The following ROBO2 variants were observed in gnomAD, a reference collection of about 807,000 sequenced individuals.
ROBO2 encodes the protein roundabout homolog 2.
In ROBO2, 53 loss-of-function variants were observed where a neutral mutation model predicts 160.8. The observed-to-expected ratio is 0.33, with a 90% CI of 0.26 to 0.41. ROBO2 has a LOEUF of 0.41. Ranked by LOEUF, ROBO2 falls within the 10% of genes least tolerant of loss-of-function variation. The probability of loss-of-function intolerance (pLI) is 1.00; values close to 1 mark genes in which losing one functional copy is unlikely to be tolerated. For missense variants in ROBO2, 1,577 were observed against 1,722.4 expected (o/e 0.92, Z 1.49); for synonymous variants, 664 against 611.7 (o/e 1.09, Z -1.26).
chr3:77,279,375 T>C (rs2060099842), intron 2 of ROBO2, among the ~76,000 whole-genome samples: 1 of 152,120 alleles, frequency 6.6e-6, no homozygotes, highest in Non-Finnish European at 1.5e-5. Context: ...CAATGAAGTC[T>C]GTGAGTTTAG....
intron 2 of ROBO2, among the ~76,000 whole-genome samples, chr3:76,192,196 T>C (rs1280553084): frequency 6.7e-6 from 1 of 149,694 alleles, no homozygotes; most frequent in African/African-American, 2.4e-5. Context: ...GCCATTTCCC[T>C]AGTTAGTGCC....
chr3:76,118,608 T>G (rs2070581244), intron 2 of ROBO2, among the ~76,000 whole-genome samples: 1 of 152,126 alleles, frequency 6.6e-6, no homozygotes, highest in Non-Finnish European at 1.5e-5. Context: ...CGCACTTGGC[T>G]CAGACAGATA....
chr3:77,648,758 A>G (rs146343207), exon 26 of ROBO2: 14 of 152,318 alleles, frequency 9.2e-5, no homozygotes, highest in African/African-American at 3.4e-4. Context: ...CAACAGAAAA[A>G]TACAAATACC....
At chr3:76,051,430 A>G (rs1243964034) in intron 2 of ROBO2, among the ~76,000 whole-genome samples, 2 of 152,194 alleles carry the variant, frequency 1.3e-5, no homozygotes, top group Non-Finnish European at 2.9e-5. Context: ...CACATGGACT[A>G]TATTATAACA....
intron 1 of ROBO2, among the ~76,000 whole-genome samples, chr3:77,079,050 G>T (rs1018364477): frequency 2.0e-5 from 3 of 152,026 alleles, no homozygotes; most frequent in African/African-American, 2.4e-5. Context: ...CCTCCTGAAG[G>T]CTTCTCCCGC....
At chr3:76,721,733 T>C (rs2093470285) in intron 2 of ROBO2, among the ~76,000 whole-genome samples, 1 of 152,254 alleles carries the variant, frequency 6.6e-6, no homozygotes, top group Non-Finnish European at 1.5e-5. Flanking sequence ...CACTATTCTT[T>C]TTATTGTCAT....
intron 2 of ROBO2, among the ~76,000 whole-genome samples, chr3:76,896,519 T>C (rs1389313038): frequency 1.3e-5 from 2 of 152,162 alleles, no homozygotes; most frequent in African/African-American, 4.8e-5. Context: ...ATAAATGCTA[T>C]TGGGTGAATA....
chr3:77,207,732 T>G (rs532123450), intron 2 of ROBO2, among the ~76,000 whole-genome samples: 1 of 152,308 alleles, frequency 6.6e-6, no homozygotes, highest in Middle Eastern at 3.4e-3. Flanking sequence ...AGTCATAAGC[T>G]TTTAGTGTGC....
chr3:77,483,414 G>T (rs1296665111), intron 4 of ROBO2, among the ~76,000 whole-genome samples: 1 of 151,702 alleles, frequency 6.6e-6, no homozygotes, highest in Non-Finnish European at 1.5e-5. Flanking sequence ...TTTATTTTAT[G>T]CTGGTGCTCC....
chr3:77,350,605 G>T (rs2068225363), intron 2 of ROBO2, among the ~76,000 whole-genome samples: 1 of 152,092 alleles, frequency 6.6e-6, no homozygotes, highest in Non-Finnish European at 1.5e-5. Context: ...TTCTTGTATA[G>T]AGTCTTAACA....
chr3:77,632,590 C>G (rs1416158413), intron 23 of ROBO2: 7 of 1,535,800 alleles, frequency 4.6e-6, no homozygotes, highest in Admixed American at 2.0e-5. Flanking sequence ...CAGTTTTGCA[C>G]AAGCACTGGT....
At chr3:76,575,856 G>GGA (rs981133755) in intron 2 of ROBO2, among the ~76,000 whole-genome samples, 1 of 151,726 alleles carries the variant, frequency 6.6e-6, no homozygotes, top group Non-Finnish European at 1.5e-5. Context: ...TTAGATTTGT[G>GGA]GAGAGAGAGA....
chr3:77,584,559 T>C (rs1295431554), intron 16 of ROBO2, among the ~76,000 whole-genome samples: 1 of 152,190 alleles, frequency 6.6e-6, no homozygotes, highest in African/African-American at 2.4e-5. Context: ...GTATTGTATA[T>C]GGACAGATTT....
intron 2 of ROBO2, among the ~76,000 whole-genome samples, chr3:77,191,870 G>A (rs1299594401): frequency 6.6e-6 from 1 of 152,076 alleles, no homozygotes; most frequent in Non-Finnish European, 1.5e-5. Context: ...TTTTCACGTT[G>A]ACATGTCAAA....
intron 2 of ROBO2, among the ~76,000 whole-genome samples, chr3:76,054,494 A>C (rs1397344976): frequency 6.6e-6 from 1 of 152,166 alleles, no homozygotes; most frequent in Admixed American, 6.5e-5. Flanking sequence ...TCATTTTTCT[A>C]TCCAGCCAAA....
chr3:76,045,957 T>C (rs1271364916), intron 2 of ROBO2, among the ~76,000 whole-genome samples: 1 of 151,988 alleles, frequency 6.6e-6, no homozygotes, highest in East Asian at 1.9e-4. Flanking sequence ...TTGAACTTCA[T>C]TTCCTGCTTT....
At chr3:76,521,345 G>A (rs1225551214) in intron 2 of ROBO2, among the ~76,000 whole-genome samples, 1 of 152,046 alleles carries the variant, frequency 6.6e-6, no homozygotes, top group African/African-American at 2.4e-5. Flanking sequence ...CACCGCGCCT[G>A]GCCCAACAAC....
At chr3:76,502,252 C>A (rs7431017) in intron 2 of ROBO2, among the ~76,000 whole-genome samples, 80,418 of 151,778 alleles carry the variant, frequency 0.53, 21,517 homozygotes, top group African/African-American at 0.59. Context: ...TACAGCTGCT[C>A]CTCCCTTCAA....
At position 76,446,978 on chromosome 3, in the gene ROBO2, T is replaced by A. The variant is rs1363419984; in HGVS notation, c.109+509376T>A. On this transcript the variant is annotated intron_variant, in intron 2 of 26. Transcript: ENST00000487694. ...GGCAATACCATTCAGGACATAGGCATGGACAAGGACTTCATGTCTAAAACA... is the reference window on the plus strand; with the variant it reads ...GGCAATACCATTCAGGACATAGGCAAGGACAAGGACTTCATGTCTAAAACA... Among the ~76,000 whole-genome samples the A allele has an allele frequency of 2.0e-5, 3 of 152,322 alleles. No homozygotes were observed. The South Asian group carries it at 6.2e-4, about 32-fold the overall frequency.
Sources: allele counts gnomAD v4.1 joint callset (sites outside exome capture counted in the v4.1 genomes callset), GRCh38; gene constraint gnomAD v4.1.1; transcripts MANE v1.5; gene names NCBI Gene and HGNC (gene_info 2026-07-23, HGNC 2026-07-21).